Variants in AGAP3 observed in about 807,000 individuals in gnomAD.
AGAP3 encodes the protein arf-GAP with GTPase, ANK repeat and PH domain-containing protein 3.
In AGAP3, 24 loss-of-function variants were observed where a neutral mutation model predicts 96.9. The ratio of observed to expected loss-of-function variants is 0.25; its 90% CI spans 0.18 to 0.35. The LOEUF (loss-of-function observed/expected upper bound fraction) is 0.35, where lower values mean the gene tolerates loss of function less well. AGAP3 is among the 10% of genes least tolerant of loss of function. The probability of loss-of-function intolerance (pLI) is 1.00; values close to 1 mark genes in which losing one functional copy is unlikely to be tolerated. For synonymous variants in AGAP3, 563 were observed against 536.1 expected (o/e 1.05, Z -0.69); for missense variants, 876 against 1,254.2 (o/e 0.70, Z 4.55).
chr7:151,135,418 T>C (rs1454471226), intron 11 of AGAP3, among the ~76,000 whole-genome samples: 2 of 152,226 alleles, frequency 1.3e-5, no homozygotes. Flanking sequence ...GGGCCTGTGC[T>C]TGTCACAGTG....
chr7:151,143,665 T>C lies in AGAP3; in HGVS notation c.2529+69T>C, dbSNP rs1263668283. Reference sequence around the variant, plus strand: ...GCCTTGTTCTTTGAAAGCAACCTCTTCTTTCCTCCCCTACAACCAATCTCT... The same window carrying C: ...GCCTTGTTCTTTGAAAGCAACCTCTCCTTTCCTCCCCTACAACCAATCTCT... On this transcript the variant is annotated intron_variant, in intron 17 of 17. Coordinates refer to ENST00000397238, the MANE Select transcript of AGAP3 (RefSeq NM_031946.7). The surrounding 1 kb of genome is among the most constrained non-coding windows in gnomAD (Gnocchi z 5.9). The C allele has an allele frequency of 5.6e-6, 9 of 1,606,892 alleles. No individual in the cohort carries two copies. The highest frequency in any genetic ancestry group is 7.7e-6 in the Non-Finnish European group (9 of 1,174,954).
intron 1 of AGAP3, among the ~76,000 whole-genome samples, chr7:151,111,913 A>G (rs1231904949): frequency 1.3e-5 from 2 of 152,160 alleles, no homozygotes; most frequent in Admixed American, 6.5e-5. Context: ...GGATTTCAGT[A>G]CTGTTCGTGT....
chr7:151,115,747 G>C (rs1799545889), intron 1 of AGAP3: 1 of 687,988 alleles, frequency 1.5e-6, no homozygotes, highest in East Asian at 7.9e-5. Flanking sequence ...GGCTGGCGGG[G>C]TCTGGGGTCT....
chr7:151,124,737 T>C (rs978437072), intron 9 of AGAP3, among the ~76,000 whole-genome samples: 1 of 152,060 alleles, frequency 6.6e-6, no homozygotes, highest in African/African-American at 2.4e-5. Flanking sequence ...TGTGACTGCT[T>C]GTGGGGAGGG....
rs769908092 is a variant in AGAP3, at chr7:151,134,501, G to T, written c.1428G>T (p.Pro476=). ...RLPRATPATA[P]GTSPRANGLS... ...CCCGAGCCACACCTGCCACAGCCCC[G>T]GGCACCAGCCCCCGTGCCAACGGGC... The change falls in exon 11 of 18, where the codon CCG becomes CCT. Residue 476 remains proline (P), a synonymous_variant. Transcript: ENST00000397238. The T allele has an allele frequency of 6.2e-7, 1 of 1,613,312 alleles. No homozygotes were observed. Among genetic ancestry groups the T allele is most frequent in the Admixed American group, 1.7e-5 (1 of 60,022 alleles).
chr7:151,114,842 C>A lies in AGAP3; in HGVS notation c.332-1951C>A. 9.5e-7 allele frequency: 1 copy of A among 1,054,782 alleles called. No homozygotes were observed. The highest frequency in any genetic ancestry group is 1.1e-6 in the Non-Finnish European group (1 of 875,456). The allele number at this position is 1,054,782 out of a possible 1,614,324, so 65.3% of individuals were successfully genotyped here. A position where few individuals can be genotyped will look rare whatever the true frequency, so the allele number is the denominator to read the frequency against. ...CCGCCGCTTGCCGCCGCGCCCACAG[C>A]GTCTGCGACTCGCTGGACCTGCACG... On this transcript the variant is annotated intron_variant, in intron 1 of 17. Coordinates refer to ENST00000397238, the MANE Select transcript of AGAP3 (RefSeq NM_031946.7). This position sits in a 1 kb window ranked among gnomAD's most constrained non-coding sequence, Gnocchi z 4.4.
Position 151,118,427 on chromosome 7 carries a change from G to A in AGAP3, c.842-78G>A. On this transcript the variant is annotated intron_variant, in intron 6 of 17. Transcript: ENST00000397238. The surrounding 1 kb of genome is among the most constrained non-coding windows in gnomAD (Gnocchi z 6.1). ...GAAGGCTCCCAGTGAGAGCAAGGCT[G>A]TGTGTCTGGGGGGAGGTGCTAAGCC... 1 of 1,599,680 alleles carries A rather than the reference G, an allele frequency of 6.3e-7. No individual in the cohort carries two copies. Among genetic ancestry groups the A allele is most frequent in the Non-Finnish European group, 8.6e-7 (1 of 1,169,040 alleles).
At chr7:151,128,501 C>A in intron 9 of AGAP3, 79 bp from the exon 10 acceptor site, 2 of 1,218,874 alleles carry the variant, frequency 1.6e-6, no homozygotes, top group Non-Finnish European at 2.4e-6. Flanking sequence ...GAGGGCATTG[C>A]CTGACGACAT....
At position 151,142,177 on chromosome 7, in the gene AGAP3, C is replaced by G; in HGVS notation, c.1974C>G (p.Asn658Lys). The G allele has an allele frequency of 6.2e-7, 1 of 1,613,870 alleles. No individual in the cohort carries two copies. Among genetic ancestry groups the G allele is most frequent in the Non-Finnish European group, 8.5e-7 (1 of 1,179,974 alleles). Residue 658 changes from asparagine to lysine, a missense_variant, in exon 15 of 18, where the codon AAC (asparagine) becomes AAG (lysine). Transcript: ENST00000397238. The surrounding 1 kb of genome is among the most constrained non-coding windows in gnomAD (Gnocchi z 7.5). ...RSAKDKTRLG[N>K]QNAALAVQAV... Reference sequence around the variant, plus strand: ...CTGTGCGACAGACTCGACTGGGGAACCAGAACGCAGCTCTGGCTGTGCAGG... The same window carrying G: ...CTGTGCGACAGACTCGACTGGGGAAGCAGAACGCAGCTCTGGCTGTGCAGG...
Position 151,143,395 on chromosome 7 carries a change from C to G in AGAP3, c.2328C>G (p.Ala776=). The part of the protein sequence containing the change: ...RAKYEQKLFL[A]PLPSSDVPLG... The stretch of plus-strand genomic sequence containing the variant: ...AGTATGAACAGAAGCTCTTCCTGGC[C>G]CCACTGCCAAGCTCAGATGTGCCAC... The change falls in exon 17 of 18, where the codon GCC becomes GCG. Residue 776 remains alanine, a synonymous_variant. Transcript: ENST00000397238. The surrounding 1 kb of genome is among the most constrained non-coding windows in gnomAD (Gnocchi z 5.9). 1 of 1,614,188 alleles carries G rather than the reference C, an allele frequency of 6.2e-7. No individual in the cohort carries two copies. Among genetic ancestry groups the G allele is most frequent in the Non-Finnish European group, 8.5e-7 (1 of 1,180,032 alleles).
chr7:151,120,390 G>T, intron 8 of AGAP3: 1 of 661,726 alleles, frequency 1.5e-6, no homozygotes. Flanking sequence ...AGTCCTCCCT[G>T]CCCTCTGCCG....
intron 9 of AGAP3, among the ~76,000 whole-genome samples, chr7:151,127,815 C>T (rs1465188713): frequency 6.6e-6 from 1 of 152,188 alleles, no homozygotes; most frequent in African/African-American, 2.4e-5. Context: ...TGGGGTCTAC[C>T]TCCTGCATTC....
intron 1 of AGAP3, among the ~76,000 whole-genome samples, chr7:151,093,245 G>T (rs1194119459): frequency 2.6e-5 from 4 of 152,122 alleles, no homozygotes; most frequent in Non-Finnish European, 5.9e-5. Context: ...GGGCTCAAGC[G>T]ATCTTCCACC....
At position 151,114,966 on chromosome 7, in the gene AGAP3, G is replaced by A; in HGVS notation, c.332-1827G>A. 1 of 982,774 alleles carries A rather than the reference G, an allele frequency of 1.0e-6. No homozygotes were observed. The highest frequency in any genetic ancestry group is 4.6e-5 in the South Asian group (1 of 21,660). The allele number at this position is 982,774 out of a possible 1,614,324, so 60.9% of individuals were successfully genotyped here. On this transcript the variant is annotated intron_variant, in intron 1 of 17. Transcript: ENST00000397238. This position sits in a 1 kb window ranked among gnomAD's most constrained non-coding sequence, Gnocchi z 4.4. ...GCGGAGCGTGTGCTCGGGCGGCCCG[G>A]AGCCGCCGCCCACCGGCGCCCGCGG...
intron 1 of AGAP3, chr7:151,115,416 A>T: frequency 2.0e-6 from 2 of 1,007,846 alleles, no homozygotes; most frequent in Non-Finnish European, 2.4e-6. Context: ...GCGCGCGCGC[A>T]CCCGTAGCGA....
At chr7:151,126,351 A>AGAGCG (rs994761755) in intron 9 of AGAP3, among the ~76,000 whole-genome samples, 1 of 57,990 alleles carries the variant, frequency 1.7e-5, no homozygotes, top group Non-Finnish European at 3.0e-5. Context: ...AGATGGGAGC[A>AGAGCG]GAGCGGAGCA....
At chr7:151,109,339 C>T (rs1799189219) in intron 1 of AGAP3, among the ~76,000 whole-genome samples, 1 of 152,094 alleles carries the variant, frequency 6.6e-6, no homozygotes, top group Non-Finnish European at 1.5e-5. Flanking sequence ...AGAGGGAGAC[C>T]CTGTCTCAAA....
intron 11 of AGAP3, 68 bp from the exon 12 acceptor site, chr7:151,138,075 A>G: frequency 8.3e-7 from 1 of 1,209,028 alleles, no homozygotes; most frequent in Non-Finnish European, 1.2e-6. Flanking sequence ...CTCTATTTTT[A>G]GGATAGTATC....
At chr7:151,102,004 A>G (rs1335477641) in intron 1 of AGAP3, among the ~76,000 whole-genome samples, 1 of 152,148 alleles carries the variant, frequency 6.6e-6, no homozygotes, top group Non-Finnish European at 1.5e-5. Context: ...AACTTGAGCA[A>G]GGGTAAAATA....
Sources: allele counts gnomAD v4.1 joint callset (sites outside exome capture counted in the v4.1 genomes callset), GRCh38; gene constraint gnomAD v4.1.1; non-coding constraint Gnocchi (gnomAD v3.1); transcripts MANE v1.5; gene names NCBI Gene and HGNC (gene_info 2026-07-23, HGNC 2026-07-21).